The following TAF8 variants were observed in gnomAD, a reference collection of about 807,000 sequenced individuals.
The protein encoded by TAF8 is transcription initiation factor TFIID subunit 8.
In TAF8, 47 loss-of-function variants were observed where a neutral mutation model predicts 36.5. That is an observed-to-expected ratio of 1.29 (90% confidence interval 1.02 to 1.64). TAF8 has a LOEUF of 1.64. TAF8 is among the 40% of genes most tolerant of loss of function. TAF8 has a pLI of 0.00. For synonymous variants in TAF8, 175 were observed against 159.5 expected (o/e 1.10, Z -0.73); for missense variants, 420 against 407.6 (o/e 1.03, Z -0.26).
Position 42,077,128 on chromosome 6 carries a change from C to A in TAF8, c.809C>A (p.Thr270Asn). The A allele has an allele frequency of 6.2e-7, 1 of 1,614,114 alleles. No individual in the cohort carries two copies. Among genetic ancestry groups the A allele is most frequent in the Non-Finnish European group, 8.5e-7 (1 of 1,179,960 alleles). The change falls in exon 8 of 9, where the codon ACC becomes AAC. Residue 270 changes from threonine (T) to asparagine (N), a missense_variant. Coordinates refer to ENST00000372977, the MANE Select transcript of TAF8 (RefSeq NM_138572.3). The part of the protein sequence containing the change: ...MEDSGAEKEN[T>N]SVLQQNPSLS... ...GATTCTGGAGCCGAGAAGGAGAACA[C>A]CTCTGTCCTGCAGCAGAACCCCTCC... is the stretch of plus-strand genomic sequence containing the variant.
chr6:42,078,622 C>T lies in TAF8; in HGVS notation c.*1077C>T. ...ACGACATGTCGGGGCTGCACCTGTC[C>T]TCCCGTCGGCATTTGACGAAAGCTC... On this transcript the variant is annotated 3_prime_UTR_variant, in exon 9 of 9. Coordinates refer to ENST00000372977, the MANE Select transcript of TAF8 (RefSeq NM_138572.3). 2.0e-6 allele frequency: 2 copies of T among 985,432 alleles called. No individual in the cohort carries two copies. Among genetic ancestry groups the T allele is most frequent in the Non-Finnish European group, 2.4e-6 (2 of 829,944 alleles). 61.0% of individuals were successfully genotyped at this position (985,432 alleles called of 1,614,324 possible).
intron 5 of TAF8, among the ~76,000 whole-genome samples, chr6:42,060,810 T>G (rs976279500): frequency 6.6e-6 from 1 of 152,252 alleles, no homozygotes; most frequent in South Asian, 2.1e-4. Context: ...ATTGCACTTA[T>G]GCAATTAGCT....
rs1295333904 is a variant in TAF8, at chr6:42,066,360, G to A, written c.538G>A (p.Ala180Thr). The A allele has an allele frequency of 2.5e-6, 4 of 1,614,184 alleles. No homozygotes were observed. Among genetic ancestry groups the A allele is most frequent in the South Asian group, 1.1e-5 (1 of 91,084 alleles). Residue 180 changes from alanine (A) to threonine (T), a missense_variant, in exon 6 of 9, where the codon GCA (alanine) becomes ACA (threonine). By Grantham distance (58) the Ala-to-Thr change is moderately conservative. Transcript: ENST00000372977. ...CTACCAGGTCCTGCGGGAGAAGGCT[G>A]CATCCCAGAGGCGCGATGTGGAGCG... is the stretch of plus-strand genomic sequence containing the variant. The part of the protein sequence containing the change: ...SDYQVLREKA[A>T]SQRRDVERAL...
At chr6:42,065,170 A>G (rs2127457295) in intron 5 of TAF8, among the ~76,000 whole-genome samples, 1 of 151,316 alleles carries the variant, frequency 6.6e-6, no homozygotes, top group East Asian at 2.0e-4. Flanking sequence ...ACATGATGAA[A>G]CCCCATCTCT....
chr6:42,059,412 G>A (rs1320512077), intron 5 of TAF8, among the ~76,000 whole-genome samples: 1 of 151,812 alleles, frequency 6.6e-6, no homozygotes, highest in African/African-American at 2.4e-5. Flanking sequence ...AAATCATAGG[G>A]ACTCAGAGCT....
chr6:42,067,720 A>G (rs770235219), intron 6 of TAF8, among the ~76,000 whole-genome samples: 1 of 151,880 alleles, frequency 6.6e-6, no homozygotes, highest in Non-Finnish European at 1.5e-5. Flanking sequence ...GGCATGCACT[A>G]TTATACCTGG....
chr6:42,066,205 A>G, intron 5 of TAF8, 107 bp from the exon 6 acceptor site: 1 of 1,404,700 alleles, frequency 7.1e-7, no homozygotes, highest in Non-Finnish European at 9.7e-7. Context: ...CTGGCCTGGT[A>G]TTGGGTCATT....
rs1765880079 is a variant in TAF8 at position 42,080,213 on chromosome 6, G to A, written c.*2668G>A. The stretch of plus-strand genomic sequence containing the variant: ...CCAGCTGTTCTCACTGCTCTTGGGA[G>A]GTGTTGTCCCAGTCAGTGTTTCTGC... On this transcript the variant is annotated 3_prime_UTR_variant, in exon 9 of 9. Coordinates refer to ENST00000372977, the MANE Select transcript of TAF8 (RefSeq NM_138572.3). 31 of 985,444 alleles carry A rather than the reference G, an allele frequency of 3.1e-5. No homozygotes were observed. Among genetic ancestry groups the A allele is most frequent in the Middle Eastern group, 5.2e-4 (1 of 1,914 alleles). The allele number at this position is 985,444 out of a possible 1,614,324, so 61.0% of individuals were successfully genotyped here.
At chr6:42,059,072 T>C (rs1287567853) in intron 5 of TAF8, among the ~76,000 whole-genome samples, 5 of 152,014 alleles carry the variant, frequency 3.3e-5, no homozygotes, top group East Asian at 1.9e-4. Context: ...GGAGTGCTGA[T>C]TGGTCAGAGA....
rs763321880 is a variant in TAF8, at chr6:42,077,150, C to T, written c.831C>T (p.Pro277=). 27 of 1,614,066 alleles carry T rather than the reference C, an allele frequency of 1.7e-5. No individual in the cohort carries two copies. In the Middle Eastern group the frequency reaches 4.9e-4, roughly 29 times the overall value. The change falls in exon 8 of 9, where the codon CCC becomes CCT. Residue 277 remains proline, a synonymous_variant. Transcript: ENST00000372977. ...KENTSVLQQN[P]SLSGSRNGEE... is the part of the protein sequence containing the mutation. The stretch of plus-strand genomic sequence containing the variant: ...ACACCTCTGTCCTGCAGCAGAACCC[C>T]TCCTTGTCGGGTAGCCGGAATGGGG...
rs912087350 is a variant in TAF8 at position 42,080,489 on chromosome 6, C to A, written c.*2944C>A. ...CTGGGTTCAAGGGATTCTCCTGCCT[C>A]AGCCTCCTGAGTAGCTGGGATTACA... On this transcript the variant is annotated 3_prime_UTR_variant, in exon 9 of 9. Coordinates refer to ENST00000372977, the MANE Select transcript of TAF8 (RefSeq NM_138572.3). 1.9e-5 allele frequency: 10 copies of A among 515,210 alleles called. No homozygotes were observed. The South Asian group carries it at 6.7e-4, about 35-fold the overall frequency. 31.9% of individuals were successfully genotyped at this position (515,210 alleles called of 1,614,324 possible). A position where few individuals can be genotyped will look rare whatever the true frequency, so the allele number is the denominator to read the frequency against.
chr6:42,086,826 C>G, downstream of TAF8: 1 of 1,376,852 alleles, frequency 7.3e-7, no homozygotes, highest in Non-Finnish European at 1.0e-6. Flanking sequence ...AAGACACACA[C>G]GGAAGCAAAC....
At position 42,079,369 on chromosome 6, in the gene TAF8, A is replaced by G. The variant is rs1765853114; in HGVS notation, c.*1824A>G. The G allele has an allele frequency of 1.0e-6, 1 of 985,324 alleles. No individual in the cohort carries two copies. The highest frequency in any genetic ancestry group is 1.7e-5 in the African/African-American group (1 of 57,250). The allele number at this position is 985,324 out of a possible 1,614,324, so 61.0% of individuals were successfully genotyped here. A position where few individuals can be genotyped will look rare whatever the true frequency, so the allele number is the denominator to read the frequency against. On this transcript the variant is annotated 3_prime_UTR_variant, in exon 9 of 9. Coordinates refer to ENST00000372977, the MANE Select transcript of TAF8 (RefSeq NM_138572.3). Reference sequence around the variant, plus strand: ...TCTTAACATACCCTACAAACCAGAAAACAAGTTTTTAAGGAAGATGCTGGG... The same window carrying G: ...TCTTAACATACCCTACAAACCAGAAGACAAGTTTTTAAGGAAGATGCTGGG...
intron 5 of TAF8, among the ~76,000 whole-genome samples, chr6:42,063,992 C>A (rs1448746534): frequency 1.3e-5 from 2 of 152,192 alleles, no homozygotes; most frequent in Non-Finnish European, 2.9e-5. Context: ...TATTTTGATA[C>A]TTTAATGGCT....
intron 5 of TAF8, chr6:42,063,204 AG>A (rs1381784518): frequency 6.6e-6 from 1 of 152,132 alleles, no homozygotes; most frequent in Non-Finnish European, 1.5e-5. Flanking sequence ...TTTGTTGCCC[AG>A]GCTGCTGGAG....
chr6:42,077,075 G>A, intron 7 of TAF8, 25 bp from the exon 8 acceptor site: 3 of 1,601,844 alleles, frequency 1.9e-6, no homozygotes, highest in Non-Finnish European at 2.6e-6. Flanking sequence ...TTGATGTTGT[G>A]CTTTATTTTG....
chr6:42,062,240 T>G (rs1765214228), intron 5 of TAF8, among the ~76,000 whole-genome samples: 1 of 152,204 alleles, frequency 6.6e-6, no homozygotes, highest in Admixed American at 6.6e-5. Context: ...AGTTTGACCA[T>G]ACAGTAAGAT....
At chr6:42,059,697 T>G (rs1765124328) in intron 5 of TAF8, among the ~76,000 whole-genome samples, 1 of 152,214 alleles carries the variant, frequency 6.6e-6, no homozygotes, top group Non-Finnish European at 1.5e-5. Flanking sequence ...ACTGTCTTTG[T>G]TTAAACTCTA....
chr6:42,050,693 G>A (rs1231850339), intron 1 of TAF8, 107 bp downstream of exon 1: 2 of 1,329,056 alleles, frequency 1.5e-6, no homozygotes, highest in Non-Finnish European at 2.0e-6. Context: ...CCCATCATGA[G>A]CTCCGACTGG....
Sources: gnomAD v4.1 joint callset for allele counts (sites outside exome capture counted in the v4.1 genomes callset) on GRCh38, gnomAD v4.1.1 for gene constraint, MANE v1.5 for transcripts, NCBI Gene and HGNC (gene_info 2026-07-23, HGNC 2026-07-21) for gene names.